The following ARHGAP10 variants were observed in gnomAD, a reference collection of about 807,000 sequenced individuals.
The protein encoded by ARHGAP10 is rho GTPase-activating protein 10.
In ARHGAP10, 87 loss-of-function variants were observed where a neutral mutation model predicts 108.6. That is an observed-to-expected ratio of 0.80 (90% CI 0.67 to 0.96). ARHGAP10 has a LOEUF of 0.96. Among genes scored for constraint, ARHGAP10 ranks in the 40% least tolerant of loss-of-function variants. The pLI, the probability that ARHGAP10 is intolerant of heterozygous loss-of-function variation, is 0.00. For synonymous variants in ARHGAP10, 347 were observed against 341.1 expected, an observed-to-expected ratio of 1.02 and a Z score of -0.19; for missense variants, 939 against 954.5, an observed-to-expected ratio of 0.98 and a Z score of 0.21.
rs1205538755 is a variant in ARHGAP10 at position 148,063,226 on chromosome 4, G to A, written c.2106G>A (p.Val702=). 6.2e-7 allele frequency: 1 copy of A among 1,614,160 alleles called. No individual in the cohort carries two copies. Among genetic ancestry groups the A allele is most frequent in the Non-Finnish European group, 8.5e-7 (1 of 1,180,036 alleles). The change falls in exon 21 of 23, where the codon GTG becomes GTA. Residue 702 remains valine (V), a synonymous_variant. Transcript: ENST00000336498. ...CCACAACAAGCTCCAACTCAGCTGT[G>A]ACACCTCTTTCACCCGGGTCGTCCC... The part of the protein sequence containing the change: ...SPTTTSSNSA[V]TPLSPGSSPF...
intron 1 of ARHGAP10, among the ~76,000 whole-genome samples, chr4:147,742,476 CTTTTTTTTTTT>C (rs11420720): frequency 3.1e-4 from 27 of 86,498 alleles, no homozygotes; most frequent in African/African-American, 8.0e-4. Flanking sequence ...TCTGTGAACA[CTTTTTTTTTTT>C]TTTTTTTTTT....
chr4:147,874,566 C>G (rs1034425714), intron 7 of ARHGAP10, among the ~76,000 whole-genome samples: 8 of 152,264 alleles, frequency 5.3e-5, no homozygotes, highest in East Asian at 1.9e-4. Flanking sequence ...AAGAATTAAA[C>G]TTTTTCAGAT....
intron 20 of ARHGAP10, among the ~76,000 whole-genome samples, chr4:148,050,680 C>G (rs1729098393): frequency 6.9e-6 from 1 of 145,536 alleles, no homozygotes; most frequent in Admixed American, 6.6e-5. Context: ...GTTGATTCAT[C>G]TTCTTTCTTA....
chr4:147,735,780 A>G (rs1201373857), intron 1 of ARHGAP10, among the ~76,000 whole-genome samples: 1 of 152,216 alleles, frequency 6.6e-6, no homozygotes, highest in Non-Finnish European at 1.5e-5. Context: ...TATTCACTCA[A>G]TTCAATGAAT....
intron 1 of ARHGAP10, among the ~76,000 whole-genome samples, chr4:147,739,738 CTT>C (rs772201824): frequency 6.4e-4 from 88 of 137,426 alleles, no homozygotes; most frequent in Admixed American, 7.4e-4. Flanking sequence ...ATATCTTGGG[CTT>C]TTTTTTTTTT....
At chr4:147,831,259 G>A (rs1250332553) in intron 3 of ARHGAP10, among the ~76,000 whole-genome samples, 1 of 152,220 alleles carries the variant, frequency 6.6e-6, no homozygotes, top group Admixed American at 6.5e-5. Flanking sequence ...TTAAAATAGT[G>A]ATGGAAAGCC....
At chr4:148,064,617 C>T in intron 22 of ARHGAP10, 110 bp downstream of exon 22, 1 of 906,038 alleles carries the variant, frequency 1.1e-6, no homozygotes, top group Non-Finnish European at 1.7e-6. Flanking sequence ...GCGAGTCTCC[C>T]CCTTGATGCT....
intron 1 of ARHGAP10, among the ~76,000 whole-genome samples, chr4:147,820,733 G>A (rs751919818): frequency 1.1e-4 from 17 of 151,656 alleles, no homozygotes; most frequent in Non-Finnish European, 1.9e-4. Flanking sequence ...TGGTATTAAA[G>A]GCATGCACCA....
At chr4:147,944,244 T>C (rs1738284044) in intron 14 of ARHGAP10, among the ~76,000 whole-genome samples, 1 of 152,202 alleles carries the variant, frequency 6.6e-6, no homozygotes, top group African/African-American at 2.4e-5. Flanking sequence ...TAATTTGATT[T>C]CTTGAATGTA....
chr4:147,932,654 CG>C (rs1302180337), intron 13 of ARHGAP10, among the ~76,000 whole-genome samples: 19 of 26,436 alleles, frequency 7.2e-4, no homozygotes, highest in Non-Finnish European at 1.1e-3. Context: ...TGTCAGAAGG[CG>C]GGGGTGGGAG....
At chr4:148,064,374 C>G in intron 21 of ARHGAP10, 42 bp from the exon 22 acceptor site, 1 of 1,588,340 alleles carries the variant, frequency 6.3e-7, no homozygotes, top group Non-Finnish European at 8.6e-7. Context: ...TCTCTGTTTT[C>G]CACATTTTCA....
At chr4:147,982,072 C>T (rs971056929) in intron 18 of ARHGAP10, among the ~76,000 whole-genome samples, 27 of 152,280 alleles carry the variant, frequency 1.8e-4, no homozygotes, top group African/African-American at 5.1e-4. Context: ...GGTTTTGCTC[C>T]ATCACCCGTG....
intron 18 of ARHGAP10, among the ~76,000 whole-genome samples, chr4:147,999,924 G>GTGTTT (rs1740629760): frequency 6.8e-6 from 1 of 146,212 alleles, no homozygotes. Context: ...CCTATTAACA[G>GTGTTT]TGTTTTTTTT....
chr4:147,749,966 G>A (rs779731505), intron 1 of ARHGAP10, among the ~76,000 whole-genome samples: 12 of 152,164 alleles, frequency 7.9e-5, no homozygotes, highest in African/African-American at 2.2e-4. Context: ...TGTTTTGTTT[G>A]CAATAAGATG....
At chr4:148,070,304 T>C (rs1375838146) in intron 22 of ARHGAP10, among the ~76,000 whole-genome samples, 2 of 152,186 alleles carry the variant, frequency 1.3e-5, no homozygotes, top group African/African-American at 4.8e-5. Flanking sequence ...GAGTAGGTGC[T>C]GTCCAGGCAT....
chr4:147,921,050 C>T (rs1024107284), intron 13 of ARHGAP10, among the ~76,000 whole-genome samples: 2 of 152,220 alleles, frequency 1.3e-5, no homozygotes, highest in African/African-American at 4.8e-5. Context: ...TATTGGTAGT[C>T]ATGCATGGGA....
At chr4:147,996,587 G>A (rs1331778656) in intron 18 of ARHGAP10, among the ~76,000 whole-genome samples, 1 of 152,204 alleles carries the variant, frequency 6.6e-6, no homozygotes, top group Non-Finnish European at 1.5e-5. Context: ...AGCTTGAAGT[G>A]TGTTAGCAAA....
At chr4:148,019,513 T>C (rs1741482266) in intron 18 of ARHGAP10, among the ~76,000 whole-genome samples, 1 of 151,922 alleles carries the variant, frequency 6.6e-6, no homozygotes, top group African/African-American at 2.4e-5. Context: ...GCACTTTAGG[T>C]GGCAGAGGCG....
intron 8 of ARHGAP10, among the ~76,000 whole-genome samples, chr4:147,878,083 C>T (rs903547559): frequency 2.6e-5 from 4 of 151,746 alleles, no homozygotes; most frequent in Non-Finnish European, 5.9e-5. Context: ...ATTACAGGCA[C>T]GCACCACCAC....
Sources: allele counts gnomAD v4.1 joint callset (sites outside exome capture counted in the v4.1 genomes callset), GRCh38; gene constraint gnomAD v4.1.1; transcripts MANE v1.5; gene names NCBI Gene and HGNC (gene_info 2026-07-23, HGNC 2026-07-21).